Variants in GEMIN4 observed in about 807,000 individuals in gnomAD.
The protein encoded by GEMIN4 is gem nuclear organelle associated protein 4, also known as gem-associated protein 4.
Under a neutral mutation model 76.8 loss-of-function variants are expected in GEMIN4, and 59 were observed. The ratio of observed to expected loss-of-function variants is 0.77; its 90% CI spans 0.62 to 0.95. The LOEUF is 0.95. GEMIN4 is among the 40% of genes least tolerant of loss of function. The probability of loss-of-function intolerance (pLI) is 0.00; values close to 1 mark genes in which losing one functional copy is unlikely to be tolerated. For synonymous variants in GEMIN4, 562 were observed against 559.7 expected (o/e 1.00, Z -0.06); for missense variants, 1,311 against 1,318.9 (o/e 0.99, Z 0.09).
chr17:746,032 G>T lies in GEMIN4; in HGVS notation c.2011C>A (p.Leu671Met). 1.2e-6 allele frequency: 2 copies of T among 1,613,872 alleles called. No individual in the cohort carries two copies. The highest frequency in any genetic ancestry group is 2.2e-5 in the South Asian group (2 of 91,084). Residue 671 changes from leucine to methionine, a missense_variant, in exon 2 of 2, where the codon CTG becomes ATG. Physicochemically the swap from Leu to Met is conservative, Grantham distance 15 (BLOSUM62 2). Around this residue, in one of 2 missense-constraint regions of GEMIN4, gnomAD observed 1,208 missense variants for 1,166.9 expected, o/e 1.04. Transcript: ENST00000319004. The surrounding 1 kb of genome is among the most constrained non-coding windows in gnomAD (Gnocchi z 4.3). ...TCTAGAGTCTGGATGAAGATCCTCA[G>T]ACTGAGGTCTACCTCTTCAACATCT... The part of the protein sequence containing the change: ...RLDVEEVDLS[L>M]RIFIQTLEAN...
rs756067218 is a variant in GEMIN4, at chr17:744,937, T to G, written c.3106A>C (p.Lys1036Gln). The change falls in exon 2 of 2, where the codon AAG becomes CAG. Residue 1036 changes from lysine to glutamine, a missense_variant. Physicochemically the swap from Lys to Gln is moderately conservative, Grantham distance 53. Transcript: ENST00000319004. ...LQRAHEQRFL[K>Q]SIAEGIGPEE... Reference sequence around the variant, plus strand: ...GGGCCGATGCCCTCAGCAATGGACTTTAAGAAGCGCTGCTCGTGTGCCCTC... The same window carrying G: ...GGGCCGATGCCCTCAGCAATGGACTGTAAGAAGCGCTGCTCGTGTGCCCTC... 4.3e-6 allele frequency: 7 copies of G among 1,613,736 alleles called. No homozygotes were observed. The Admixed American group carries it at 1.2e-4, about 27-fold the overall frequency.
chr17:747,133 A>C lies in GEMIN4; in HGVS notation c.910T>G (p.Ser304Ala), dbSNP rs1212951896. ...KEAERDVSLT[S>A]LAKLPSETIF... ...GTCTCACTGGGGAGTTTGGCCAGCG[A>C]GGTCAGGCTGACATCCCGTTCTGCC... Residue 304 changes from serine (S) to alanine (A), a missense_variant, in exon 2 of 2, where the codon TCG becomes GCG. Transcript: ENST00000319004. The C allele has an allele frequency of 3.1e-6, 5 of 1,613,636 alleles. No homozygotes were observed. The highest frequency in any genetic ancestry group is 2.7e-5 in the African/African-American group (2 of 74,912).
upstream of GEMIN4, chr17:754,279 G>A (rs1904891781): frequency 6.6e-6 from 1 of 152,182 alleles, no homozygotes; most frequent in African/African-American, 2.4e-5. Flanking sequence ...ATGATCACAG[G>A]AGCCTCATAC....
rs1974345454 is a variant in GEMIN4 at position 745,204 on chromosome 17, G to T, written c.2839C>A (p.Leu947Met). 6.2e-7 allele frequency: 1 copy of T among 1,607,714 alleles called. No individual in the cohort carries two copies. The highest frequency in any genetic ancestry group is 1.3e-5 in the African/African-American group (1 of 74,794). ...NHVVKLLCGSLTRLLDSVRAI... is the reference protein window; with the variant it reads ...NHVVKLLCGSMTRLLDSVRAI... ...CTGACTGAGTCCAGGAGGCGGGTCA[G>T]ACTGCCACAGAGGAGTTTGACCACG... The change falls in exon 2 of 2, where the codon CTG becomes ATG. Residue 947 changes from leucine (L) to methionine (M), a missense_variant. Leu to Met is a conservative substitution (Grantham distance 15, BLOSUM62 2). Transcript: ENST00000319004. The surrounding 1 kb of genome is among the most constrained non-coding windows in gnomAD (Gnocchi z 4.6).
Position 746,002 on chromosome 17 carries a change from T to A in GEMIN4, c.2041A>T (p.Asn681Tyr), listed in dbSNP as rs377022947. ...LRIFIQTLEA[N>Y]ACREEYWLQT... ...AGCCAGTATTCCTCTCGGCACGCGT[T>A]TGCCTCTAGAGTCTGGATGAAGATC... Residue 681 changes from asparagine (N) to tyrosine (Y), a missense_variant, in exon 2 of 2, where the codon AAC (asparagine) becomes TAC (tyrosine). This residue lies in a region of GEMIN4 where 1,208 missense variants were observed against 1,166.9 expected (regional missense o/e 1.04). Coordinates refer to ENST00000319004, the MANE Select transcript of GEMIN4 (RefSeq NM_015721.3). The surrounding 1 kb of genome is among the most constrained non-coding windows in gnomAD (Gnocchi z 4.3). 1 of 1,613,534 alleles carries A rather than the reference T, an allele frequency of 6.2e-7. No homozygotes were observed. Among genetic ancestry groups the A allele is most frequent in the Non-Finnish European group, 8.5e-7 (1 of 1,179,878 alleles).
In GEMIN4 at chr17:747,000, A is replaced by G; in HGVS notation, c.1043T>C (p.Leu348Pro). The change falls in exon 2 of 2, where the codon CTG becomes CCG. Residue 348 changes from leucine (L) to proline (P), a missense_variant. By Grantham distance (98) the Leu-to-Pro change is moderately conservative (BLOSUM62 -3). Around this residue, in one of 2 missense-constraint regions of GEMIN4, gnomAD observed 1,208 missense variants for 1,166.9 expected, o/e 1.04. Coordinates refer to ENST00000319004, the MANE Select transcript of GEMIN4 (RefSeq NM_015721.3). The surrounding 1 kb of genome is among the most constrained non-coding windows in gnomAD (Gnocchi z 4.3). ...GCTGAAGGAAGTCAGACTGTCGCACAGCCGGTAGCTGTCGTAACTTGTCCC... is the reference window on the plus strand; with the variant it reads ...GCTGAAGGAAGTCAGACTGTCGCACGGCCGGTAGCTGTCGTAACTTGTCCC... ...SQGTSYDSYR[L>P]CDSLTSFSQN... The G allele has an allele frequency of 6.2e-7, 1 of 1,613,148 alleles. No individual in the cohort carries two copies. The highest frequency in any genetic ancestry group is 8.5e-7 in the Non-Finnish European group (1 of 1,179,720).
chr17:751,709 C>T (rs747781445), intron 1 of GEMIN4: 69 of 182,830 alleles, frequency 3.8e-4, no homozygotes, highest in Non-Finnish European at 7.2e-4. Context: ...CTTCCATTCT[C>T]CCCGCTCTGT....
rs769528968 is a variant in GEMIN4, at chr17:744,611, GAC to G, written c.*253_*254del. 1.7e-5 allele frequency: 7 copies of G among 409,328 alleles called. No individual in the cohort carries two copies. Among genetic ancestry groups the G allele is most frequent in the Non-Finnish European group, 3.1e-5 (7 of 228,114 alleles). 25.4% of individuals were successfully genotyped at this position (409,328 alleles called of 1,614,324 possible). On this transcript the variant is annotated 3_prime_UTR_variant, in exon 2 of 2. Coordinates refer to ENST00000319004, the MANE Select transcript of GEMIN4 (RefSeq NM_015721.3). The stretch of plus-strand genomic sequence containing the variant: ...CTATTGCTGAGGCCGACTTAGAAGA[GAC>G]AAAGTGAGATGCGAAAGAGGAGAAT...
upstream of GEMIN4, chr17:753,716 CCTATTA>C (rs1402285411): frequency 6.6e-6 from 1 of 152,294 alleles, no homozygotes; most frequent in Non-Finnish European, 1.5e-5. Flanking sequence ...TCCCAGCTCT[CCTATTA>C]CAAGAGCGTA....
chr17:751,094 G>A (rs1404489451), intron 1 of GEMIN4, among the ~76,000 whole-genome samples: 1 of 152,132 alleles, frequency 6.6e-6, no homozygotes, highest in Non-Finnish European at 1.5e-5. Context: ...AAATACTCCG[G>A]TACTCTATCA....
rs1234668054 is a variant in GEMIN4 at position 746,127 on chromosome 17, C to G, written c.1916G>C (p.Gly639Ala). ...CTCAAGAAGAGCAGCCACTGGAATC[C>G]CTTGGGGTTTCACGGGACTCATCAG... Reference protein sequence around the residue: ...NCLMSPVKPQGIPVAALLEPD... With the variant: ...NCLMSPVKPQAIPVAALLEPD... The change falls in exon 2 of 2, where the codon GGG becomes GCG. Residue 639 changes from glycine to alanine, a missense_variant. Gly to Ala is a moderately conservative substitution (Grantham distance 60). Coordinates refer to ENST00000319004, the MANE Select transcript of GEMIN4 (RefSeq NM_015721.3). The surrounding 1 kb of genome is among the most constrained non-coding windows in gnomAD (Gnocchi z 4.3). The G allele has an allele frequency of 6.2e-7, 1 of 1,613,932 alleles. No individual in the cohort carries two copies. The highest frequency in any genetic ancestry group is 1.1e-5 in the South Asian group (1 of 91,082).
intron 1 of GEMIN4, chr17:751,723 T>G: frequency 5.1e-6 from 1 of 196,032 alleles, no homozygotes; most frequent in Non-Finnish European, 1.0e-5. Flanking sequence ...GCTCTGTCGA[T>G]GAGGAAACGT....
At chr17:752,389 C>A (rs1358161028), upstream of GEMIN4, 2 of 855,696 alleles carry the variant, frequency 2.3e-6, no homozygotes, top group Non-Finnish European at 1.5e-6. Flanking sequence ...GGTACCCGGA[C>A]GTCGCTCACT....
chr17:752,360 G>A, upstream of GEMIN4: 3 of 1,098,534 alleles, frequency 2.7e-6, no homozygotes, highest in Non-Finnish European at 3.5e-6. Flanking sequence ...TTCCGGCAGA[G>A]CCCTCCCACC....
In GEMIN4 at chr17:744,701, A is replaced by G. The variant is rs1270503555; in HGVS notation, c.*165T>C. On this transcript the variant is annotated 3_prime_UTR_variant, in exon 2 of 2. Coordinates refer to ENST00000319004, the MANE Select transcript of GEMIN4 (RefSeq NM_015721.3). ...CTATTTTCTTTACACCATTATTGCCATGACTTTTTGTGGACAGTTTCACAT... is the reference window on the plus strand; with the variant it reads ...CTATTTTCTTTACACCATTATTGCCGTGACTTTTTGTGGACAGTTTCACAT... 1 of 644,782 alleles carries G rather than the reference A, an allele frequency of 1.6e-6. No homozygotes were observed. The highest frequency in any genetic ancestry group is 2.6e-6 in the Non-Finnish European group (1 of 389,628). The allele number at this position is 644,782 out of a possible 1,614,324, so 39.9% of individuals were successfully genotyped here.
upstream of GEMIN4, chr17:752,736 G>T: frequency 2.0e-6 from 1 of 507,608 alleles, no homozygotes; most frequent in Non-Finnish European, 2.6e-6. Flanking sequence ...AAACATGGTG[G>T]GGTTTACGCT....
chr17:747,047 C>G lies in GEMIN4; in HGVS notation c.996G>C (p.Gln332His). The change falls in exon 2 of 2, where the codon CAG becomes CAC. Residue 332 changes from glutamine (Q) to histidine (H), a missense_variant. Gln to His is a conservative substitution (Grantham distance 24). Around this residue, in one of 2 missense-constraint regions of GEMIN4, gnomAD observed 1,208 missense variants for 1,166.9 expected, o/e 1.04. Transcript: ENST00000319004. ...TCCCCTGGCTGCTGCGGAGCACGGC[C>G]TGCAACTCCTCCCCCCACTCCCGCA... ...HLLREWGEEL[Q>H]AVLRSSQGTS... 1 of 1,613,570 alleles carries G rather than the reference C, an allele frequency of 6.2e-7. No individual in the cohort carries two copies.
rs1221077489 is a variant in GEMIN4, at chr17:747,268, C to T, written c.775G>A (p.Glu259Lys). 3.1e-6 allele frequency: 5 copies of T among 1,613,710 alleles called. No individual in the cohort carries two copies. The African/African-American group carries it at 5.3e-5, about 17-fold the overall frequency. Reference protein sequence around the residue: ...VFALTEDDPQEVSATVYLDKL... With the variant: ...VFALTEDDPQKVSATVYLDKL... Reference sequence around the variant, plus strand: ...TCCAGATACACGGTTGCAGACACCTCCTGGGGGTCGTCCTCTGTCAGCGCA... The same window carrying T: ...TCCAGATACACGGTTGCAGACACCTTCTGGGGGTCGTCCTCTGTCAGCGCA... The change falls in exon 2 of 2, where the codon GAG becomes AAG. Residue 259 changes from glutamate (E) to lysine (K), a missense_variant. Glu to Lys is a moderately conservative substitution (Grantham distance 56). This residue lies in a region of GEMIN4 where 1,208 missense variants were observed against 1,166.9 expected (regional missense o/e 1.04). Transcript: ENST00000319004.
chr17:744,827 G>A lies in GEMIN4; in HGVS notation c.*39C>T. 1 of 1,567,550 alleles carries A rather than the reference G, an allele frequency of 6.4e-7. No homozygotes were observed. Among genetic ancestry groups the A allele is most frequent in the Non-Finnish European group, 8.6e-7 (1 of 1,160,690 alleles). On this transcript the variant is annotated 3_prime_UTR_variant, in exon 2 of 2. Coordinates refer to ENST00000319004, the MANE Select transcript of GEMIN4 (RefSeq NM_015721.3). The stretch of plus-strand genomic sequence containing the variant: ...ACAGGTAAGAAGCTGCTGATCTTCT[G>A]CAGACCCGCCATGTTGGGGCCCAGC...
Sources: gnomAD v4.1 joint callset for allele counts (sites outside exome capture counted in the v4.1 genomes callset) on GRCh38, gnomAD v4.1.1 for gene constraint, gnomAD v4.1.1 regional missense constraint, Gnocchi (gnomAD v3.1) non-coding constraint, MANE v1.5 for transcripts, NCBI Gene and HGNC (gene_info 2026-07-23, HGNC 2026-07-21) for gene names.